GHR: variants seen among roughly 807,000 people sequenced by gnomAD.
GHR encodes growth hormone receptor, also known as GH receptor.
GHR carries 35 observed loss-of-function variants against 67.1 expected under a neutral mutation model. The ratio of observed to expected loss-of-function variants is 0.52; its 90% CI spans 0.40 to 0.69. The LOEUF is 0.69. Ranked by LOEUF, GHR falls within the 30% of genes least tolerant of loss-of-function variation. The probability of loss-of-function intolerance (pLI) is 0.00; values close to 1 mark genes in which losing one functional copy is unlikely to be tolerated. For missense variants in GHR, 792 were observed against 764.6 expected (o/e 1.04, Z -0.42); for synonymous variants, 272 against 269.1 (o/e 1.01, Z -0.10).
At chr5:42,589,327 A>G (rs1751657170) in intron 2 of GHR, among the ~76,000 whole-genome samples, 1 of 152,336 alleles carries the variant, frequency 6.6e-6, no homozygotes, top group Admixed American at 6.5e-5. Flanking sequence ...ACTTATCGTT[A>G]GCTTTGAAAA....
chr5:42,546,922 A>C (rs962724269), intron 1 of GHR, among the ~76,000 whole-genome samples: 1 of 152,200 alleles, frequency 6.6e-6, no homozygotes, highest in Admixed American at 6.5e-5. Flanking sequence ...GAGGAAGAAA[A>C]GACATCCAGA....
At chr5:42,501,773 A>G (rs925136965) in intron 1 of GHR, among the ~76,000 whole-genome samples, 1 of 152,190 alleles carries the variant, frequency 6.6e-6, no homozygotes, top group Non-Finnish European at 1.5e-5. Context: ...TTTAAACACA[A>G]AAGTGTTTTT....
At chr5:42,449,267 G>A (rs1272587731) in intron 1 of GHR, among the ~76,000 whole-genome samples, 7 of 152,150 alleles carry the variant, frequency 4.6e-5, no homozygotes, top group African/African-American at 1.7e-4. Context: ...ATCCACAAGT[G>A]TGGGATGTGT....
intron 2 of GHR, among the ~76,000 whole-genome samples, chr5:42,577,511 G>C (rs1750818849): frequency 6.6e-6 from 1 of 152,136 alleles, no homozygotes; most frequent in South Asian, 2.1e-4. Context: ...TGACTGCAGA[G>C]CCATCATTTC....
intron 3 of GHR, among the ~76,000 whole-genome samples, chr5:42,648,757 TGGA>T (rs1754873949): frequency 6.6e-6 from 1 of 151,576 alleles, no homozygotes; most frequent in South Asian, 2.1e-4. Context: ...GATGAAAAGA[TGGA>T]GGAGGTGAAT....
chr5:42,587,531 C>T (rs114308958), intron 2 of GHR, among the ~76,000 whole-genome samples: 1 of 152,180 alleles, frequency 6.6e-6, no homozygotes, highest in Non-Finnish European at 1.5e-5. Flanking sequence ...GAACTTATCG[C>T]TAGTCTAAAC....
chr5:42,443,611 G>GGTGT (rs750169625), intron 1 of GHR, among the ~76,000 whole-genome samples: 20 of 150,488 alleles, frequency 1.3e-4, no homozygotes, highest in African/African-American at 4.1e-4. Context: ...GGACCAGTAG[G>GGTGT]GTGTGTGTGT....
intron 1 of GHR, among the ~76,000 whole-genome samples, chr5:42,504,139 A>G (rs1373095003): frequency 1.3e-5 from 2 of 152,162 alleles, no homozygotes; most frequent in Admixed American, 6.5e-5. Flanking sequence ...TTTTGGAGTT[A>G]TCCTGCAAAG....
intron 2 of GHR, among the ~76,000 whole-genome samples, chr5:42,598,995 A>G (rs1353592752): frequency 6.6e-6 from 1 of 152,246 alleles, no homozygotes; most frequent in Non-Finnish European, 1.5e-5. Flanking sequence ...GTAGAGCTCT[A>G]CTTCATTTAA....
chr5:42,550,429 C>T (rs1353498805), intron 1 of GHR, among the ~76,000 whole-genome samples: 7 of 152,132 alleles, frequency 4.6e-5, no homozygotes, highest in Non-Finnish European at 8.8e-5. Flanking sequence ...GGCTTCTAGA[C>T]ATTCTGATTC....
intron 1 of GHR, among the ~76,000 whole-genome samples, chr5:42,562,988 A>G (rs1204225407): frequency 6.6e-6 from 1 of 152,152 alleles, no homozygotes; most frequent in Non-Finnish European, 1.5e-5. Context: ...ATTTGCAGGC[A>G]GCTGCTTTCA....
chr5:42,514,444 A>G (rs560082792), intron 1 of GHR: 145 of 324,598 alleles, frequency 4.5e-4, no homozygotes, highest in African/African-American at 3.2e-3. Context: ...CCAGCTATCT[A>G]TGACCATATG....
chr5:42,472,699 T>C (rs977136860), intron 1 of GHR, among the ~76,000 whole-genome samples: 2 of 152,226 alleles, frequency 1.3e-5, no homozygotes, highest in Admixed American at 1.3e-4. Flanking sequence ...GAAGAGTTTC[T>C]AGATATTAAA....
intron 1 of GHR, among the ~76,000 whole-genome samples, chr5:42,481,309 C>T (rs1745623763): frequency 6.6e-6 from 1 of 152,168 alleles, no homozygotes; most frequent in Non-Finnish European, 1.5e-5. Flanking sequence ...TTCTCTCTGG[C>T]TGCCCTGAAC....
intron 2 of GHR, among the ~76,000 whole-genome samples, chr5:42,578,093 G>A (rs1043451268): frequency 6.6e-5 from 10 of 152,000 alleles, no homozygotes; most frequent in African/African-American, 2.2e-4. Flanking sequence ...ATCTATGGTG[G>A]GAGGCGTGTC....
At chr5:42,617,227 C>A (rs1753199789) in intron 2 of GHR, among the ~76,000 whole-genome samples, 2 of 150,376 alleles carry the variant, frequency 1.3e-5, no homozygotes, top group Non-Finnish European at 3.0e-5. Flanking sequence ...CCTTTTTGTA[C>A]ATGCTCATTC....
Position 42,543,729 on chromosome 5 carries a change from G to T in GHR, c.-11-22135G>T, listed in dbSNP as rs367794059. Among the ~76,000 whole-genome samples, 12 of 151,946 alleles carry T rather than the reference G, an allele frequency of 7.9e-5. No homozygotes were observed. In the East Asian group the frequency reaches 2.3e-3, roughly 29 times the overall value. Reference sequence around the variant, plus strand: ...AGTAATTACTGTGGGCTTTTAATCTGCAAACTCAATCAATTATTCGATTTT... The same window carrying T: ...AGTAATTACTGTGGGCTTTTAATCTTCAAACTCAATCAATTATTCGATTTT... On this transcript the variant is annotated intron_variant, in intron 1 of 9. Transcript: ENST00000230882.
intron 1 of GHR, among the ~76,000 whole-genome samples, chr5:42,439,198 G>A (rs1743461665): frequency 6.6e-6 from 1 of 152,020 alleles, no homozygotes; most frequent in Non-Finnish European, 1.5e-5. Context: ...TTAAAAGGAA[G>A]GATATTAATA....
At chr5:42,562,553 AT>A (rs1349022741) in intron 1 of GHR, among the ~76,000 whole-genome samples, 2 of 151,362 alleles carry the variant, frequency 1.3e-5, no homozygotes, top group Non-Finnish European at 2.9e-5. Flanking sequence ...TTTCTGGTTA[AT>A]TTTGTGTTGA....
Sources: allele counts gnomAD v4.1 joint callset (sites outside exome capture counted in the v4.1 genomes callset), GRCh38; gene constraint gnomAD v4.1.1; transcripts MANE v1.5; gene names NCBI Gene and HGNC (gene_info 2026-07-23, HGNC 2026-07-21).